CYP4V2: variants seen among roughly 807,000 people sequenced by gnomAD.
The protein encoded by CYP4V2 is cytochrome P450 4V2.
In CYP4V2, 55 loss-of-function variants were observed where a neutral mutation model predicts 60.8. That is an observed-to-expected ratio of 0.90 (90% CI 0.73 to 1.13). The LOEUF is 1.13. Among genes scored for constraint, CYP4V2 ranks in the 50% most tolerant of loss-of-function variants. The probability of loss-of-function intolerance (pLI) is 0.00; values close to 1 mark genes in which losing one functional copy is unlikely to be tolerated. For synonymous variants in CYP4V2, 239 were observed against 236.8 expected (o/e 1.01, Z -0.08); for missense variants, 675 against 662.9 (o/e 1.02, Z -0.20).
At chr4:186,204,802 C>A (rs1022536567) in intron 7 of CYP4V2, 4 of 327,286 alleles carry the variant, frequency 1.2e-5, no homozygotes, top group Non-Finnish European at 2.4e-5. Flanking sequence ...CCCCCTGGTG[C>A]CCGTCATCAA....
chr4:186,204,787 C>G (rs892636612), intron 7 of CYP4V2: 3 of 317,586 alleles, frequency 9.4e-6, no homozygotes, highest in African/African-American at 6.5e-5. Context: ...AGAACCACAC[C>G]TCTACCCCCT....
chr4:186,206,194 G>A (rs1282517091), intron 8 of CYP4V2, among the ~76,000 whole-genome samples: 3 of 152,122 alleles, frequency 2.0e-5, no homozygotes, highest in Non-Finnish European at 4.4e-5. Flanking sequence ...GTGTGTGCAC[G>A]CACGTGCATG....
Position 186,195,586 on chromosome 4 carries a change from A to G in CYP4V2, c.328-417A>G, listed in dbSNP as rs1364941585. ...GCTCAGGCCTTATCTTGGCTGTCTCACTTGCTTTCAGACCACAGCAACCTG... is the reference window on the plus strand; with the variant it reads ...GCTCAGGCCTTATCTTGGCTGTCTCGCTTGCTTTCAGACCACAGCAACCTG... On this transcript the variant is annotated intron_variant, in intron 2 of 10. Transcript: ENST00000378802. The surrounding 1 kb of genome is among the most constrained non-coding windows in gnomAD (Gnocchi z 4.1). Among the ~76,000 whole-genome samples, 3 of 152,010 alleles carry G rather than the reference A, an allele frequency of 2.0e-5. No individual in the cohort carries two copies. The highest frequency in any genetic ancestry group is 2.1e-4 in the South Asian group (1 of 4,772).
chr4:186,207,190 C>T (rs72646290), intron 8 of CYP4V2, among the ~76,000 whole-genome samples: 2,724 of 152,016 alleles, frequency 0.018, 84 homozygotes, highest in African/African-American at 0.062. Context: ...GGGCGGATCA[C>T]GAGGTCAGGA....
rs544248531 is a variant in CYP4V2 at position 186,195,088 on chromosome 4, C to G, written c.327+476C>G. On this transcript the variant is annotated intron_variant, in intron 2 of 10. Transcript: ENST00000378802. The surrounding 1 kb of genome is among the most constrained non-coding windows in gnomAD (Gnocchi z 4.1). ...AACCCATGCTGTTGAAATTAGTCCT[C>G]CAAAAAGCTGTAGTCTTTTTACTTG... Among the ~76,000 whole-genome samples the G allele has an allele frequency of 5.3e-5, 8 of 152,234 alleles. No homozygotes were observed. Among genetic ancestry groups the G allele is most frequent in the Non-Finnish European group, 7.4e-5 (5 of 68,020 alleles).
At chr4:186,200,849 G>A (rs1248686067) in intron 6 of CYP4V2, among the ~76,000 whole-genome samples, 3 of 151,762 alleles carry the variant, frequency 2.0e-5, no homozygotes, top group African/African-American at 4.8e-5. Context: ...TCTCATTAGC[G>A]CAATCCAATC....
At chr4:186,201,406 C>T (rs536417542) in intron 7 of CYP4V2, 64 bp downstream of exon 7, 2 of 1,553,040 alleles carry the variant, frequency 1.3e-6, no homozygotes, top group Admixed American at 1.7e-5. Context: ...GAATCTTTAG[C>T]ATTATTTTTT....
In CYP4V2 at chr4:186,212,912, A is replaced by C. The variant is rs1177838669; in HGVS notation, c.*2271A>C. 6.6e-6 allele frequency: 1 copy of C among 152,236 alleles called. No individual in the cohort carries two copies. The highest frequency in any genetic ancestry group is 1.5e-5 in the Non-Finnish European group (1 of 68,042). 9.4% of individuals were successfully genotyped at this position (152,236 alleles called of 1,614,324 possible). On this transcript the variant is annotated 3_prime_UTR_variant, in exon 11 of 11. Transcript: ENST00000378802. Reference sequence around the variant, plus strand: ...TCAAGGAAGGAGGTGATACAATTGGAAATATTCCCATCAAATGGTTAATCT... The same window carrying C: ...TCAAGGAAGGAGGTGATACAATTGGCAATATTCCCATCAAATGGTTAATCT...
At chr4:186,193,928 T>C (rs1736066379) in intron 1 of CYP4V2, among the ~76,000 whole-genome samples, 1 of 152,230 alleles carries the variant, frequency 6.6e-6, no homozygotes, top group Non-Finnish European at 1.5e-5. Flanking sequence ...AAAGTCTGCC[T>C]TCCCCAGCTA....
At chr4:186,207,621 AT>A (rs146042355) in intron 8 of CYP4V2, among the ~76,000 whole-genome samples, 1,653 of 145,216 alleles carry the variant, frequency 0.011, 12 homozygotes, top group Non-Finnish European at 0.016. Context: ...CTTAAATGTT[AT>A]TTTTTTTTTT....
intron 7 of CYP4V2, chr4:186,203,131 AATAC>A (rs1736373871): frequency 6.6e-6 from 1 of 150,920 alleles, no homozygotes; most frequent in Non-Finnish European, 1.5e-5. Flanking sequence ...GGCACACACA[AATAC>A]ATGTACATAT....
chr4:186,210,366 C>T, intron 10 of CYP4V2, 103 bp from the exon 11 acceptor site: 1 of 1,472,054 alleles, frequency 6.8e-7, no homozygotes, highest in Non-Finnish European at 9.4e-7. Flanking sequence ...CTTCCACCTA[C>T]TGCGAAAATG....
At position 186,212,898 on chromosome 4, in the gene CYP4V2, G is replaced by A. The variant is rs1736774461; in HGVS notation, c.*2257G>A. ...TGATGAAGAAAAAGTCAAGGAAGGA[G>A]GTGATACAATTGGAAATATTCCCAT... is the stretch of plus-strand genomic sequence containing the variant. On this transcript the variant is annotated 3_prime_UTR_variant, in exon 11 of 11. Transcript: ENST00000378802. 6.6e-6 allele frequency: 1 copy of A among 152,126 alleles called. No individual in the cohort carries two copies. Among genetic ancestry groups the A allele is most frequent in the Non-Finnish European group, 1.5e-5 (1 of 68,030 alleles). The allele number at this position is 152,126 out of a possible 1,614,324, so 9.4% of individuals were successfully genotyped here.
rs377057366 is a variant in CYP4V2 at position 186,209,238 on chromosome 4, C to T, written c.1371C>T (p.Tyr457=). The T allele has an allele frequency of 3.8e-5, 62 of 1,613,892 alleles. No individual in the cohort carries two copies. Among genetic ancestry groups the T allele is most frequent in the Non-Finnish European group, 4.7e-5 (55 of 1,180,016 alleles). Residue 457 remains tyrosine, a synonymous_variant, in exon 10 of 11, where the codon TAC becomes TAT. Coordinates refer to ENST00000378802, the MANE Select transcript of CYP4V2 (RefSeq NM_207352.4). The part of the protein sequence containing the change: ...ENAQGRHPYA[Y]VPFSAGPRNC... ...CACAAGGGCGCCATCCATATGCCTA[C>T]GTGCCCTTCTCTGCTGGCCCCAGGA...
At chr4:186,192,290 T>A in intron 1 of CYP4V2, 2 of 693,040 alleles carry the variant, frequency 2.9e-6, no homozygotes, top group South Asian at 3.0e-5. Flanking sequence ...CCCTCGGTCT[T>A]TTCCCACCTC....
intron 8 of CYP4V2, 35 bp from the exon 9 acceptor site, chr4:186,208,830 T>C (rs1224191398): frequency 3.7e-6 from 6 of 1,614,088 alleles, no homozygotes; most frequent in Non-Finnish European, 5.1e-6. Context: ...CCCCCACTGC[T>C]CTTTCAGGTC....
rs912050331 is a variant in CYP4V2, at chr4:186,201,230, C to A, written c.875C>A (p.Ser292Tyr). ...GGTGATGGCAGGGGCTCTGCCCCCT[C>A]CAAAAATAAACGCAGGGCCTTTCTT... ...CRGDGRGSAP[S>Y]KNKRRAFLDL... is the part of the protein sequence containing the mutation. Residue 292 changes from serine (S) to tyrosine (Y), a missense_variant, in exon 7 of 11, where the codon TCC (serine) becomes TAC (tyrosine). By Grantham distance (144) the Ser-to-Tyr change is moderately radical. Transcript: ENST00000378802. The A allele has an allele frequency of 1.2e-6, 2 of 1,613,978 alleles. No individual in the cohort carries two copies. The highest frequency in any genetic ancestry group is 2.7e-5 in the African/African-American group (2 of 74,912).
chr4:186,207,135 T>G lies in CYP4V2; in HGVS notation c.1091-1730T>G, dbSNP rs187746629. Among the ~76,000 whole-genome samples, 218 of 152,190 alleles carry G rather than the reference T, an allele frequency of 1.4e-3. 1 individual carries two copies. In the Middle Eastern group the frequency reaches 0.031, roughly 21 times the overall value. ...GAATTTTTGAGCAACTAAGCTGGGCTCGGTGGCTCACGCCTGTAATCCCAG... is the reference window on the plus strand; with the variant it reads ...GAATTTTTGAGCAACTAAGCTGGGCGCGGTGGCTCACGCCTGTAATCCCAG... On this transcript the variant is annotated intron_variant, in intron 8 of 10. Coordinates refer to ENST00000378802, the MANE Select transcript of CYP4V2 (RefSeq NM_207352.4).
intron 7 of CYP4V2, chr4:186,203,820 T>A (rs546931853): frequency 6.6e-6 from 1 of 152,166 alleles, no homozygotes; most frequent in Non-Finnish European, 1.5e-5. Context: ...CTTTTAAGAA[T>A]TGCAGAATAA....
Sources: allele counts gnomAD v4.1 joint callset (sites outside exome capture counted in the v4.1 genomes callset), GRCh38; gene constraint gnomAD v4.1.1; non-coding constraint Gnocchi (gnomAD v3.1); transcripts MANE v1.5; gene names NCBI Gene and HGNC (gene_info 2026-07-23, HGNC 2026-07-21).